TNFRSF21: variants seen among roughly 807,000 people sequenced by gnomAD.
The protein encoded by TNFRSF21 is TNF receptor superfamily member 21, also known as tumor necrosis factor receptor superfamily member 21.
Under a neutral mutation model 45.6 loss-of-function variants are expected in TNFRSF21, and 19 were observed. The ratio of observed to expected loss-of-function variants is 0.42; its 90% CI spans 0.29 to 0.61. The LOEUF is 0.61. TNFRSF21 is among the 20% of genes least tolerant of loss of function. TNFRSF21 has a pLI of 0.23. For synonymous variants in TNFRSF21, 314 were observed against 335.5 expected, an observed-to-expected ratio of 0.94 and a Z score of 0.70; for missense variants, 737 against 851.5, an observed-to-expected ratio of 0.87 and a Z score of 1.67.
At chr6:47,295,497 T>C (rs1762779850) in intron 1 of TNFRSF21, among the ~76,000 whole-genome samples, 1 of 152,208 alleles carries the variant, frequency 6.6e-6, no homozygotes, top group Non-Finnish European at 1.5e-5. Context: ...GGAAGCCCGT[T>C]ACCGTAGAGA....
chr6:47,253,191 T>C lies in TNFRSF21; in HGVS notation c.1509+65A>G, dbSNP rs976854271. On this transcript the variant is annotated intron_variant, in intron 4 of 5. Coordinates refer to ENST00000296861, the MANE Select transcript of TNFRSF21 (RefSeq NM_014452.5). ...TTATTTTTCTTTGTTCCCATACAACTGATAAAATTTGAAGCATAGGGGCAA... is the reference window on the plus strand; with the variant it reads ...TTATTTTTCTTTGTTCCCATACAACCGATAAAATTTGAAGCATAGGGGCAA... The C allele has an allele frequency of 1.2e-5, 18 of 1,560,708 alleles. No homozygotes were observed. In the African/African-American group the frequency reaches 2.3e-4, roughly 20 times the overall value.
intron 3 of TNFRSF21, among the ~76,000 whole-genome samples, chr6:47,283,044 A>G (rs1762592202): frequency 5.3e-5 from 8 of 152,246 alleles, no homozygotes; most frequent in Admixed American, 5.2e-4. Flanking sequence ...GACCCCAAAA[A>G]GCCAAACTGC....
At chr6:47,274,104 A>G (rs1762463290) in intron 3 of TNFRSF21, among the ~76,000 whole-genome samples, 1 of 152,184 alleles carries the variant, frequency 6.6e-6, no homozygotes, top group Non-Finnish European at 1.5e-5. Flanking sequence ...CAAGCTACCA[A>G]TGATTTTCTT....
In TNFRSF21 at chr6:47,245,475, T is replaced by TGTGC. The variant is rs1561939034; in HGVS notation, c.1509+7780_1509+7781insGCAC. On this transcript the variant is annotated intron_variant, in intron 4 of 5. Transcript: ENST00000296861. ...GTGTGTGTTTGTGTGTGTGTGTGTG[T>TGTGC]GTGTTGGGCAGGGAGTGTATATTAA... is the stretch of plus-strand genomic sequence containing the variant. Among the ~76,000 whole-genome samples the TGTGC allele has an allele frequency of 3.3e-5, 5 of 151,628 alleles. No homozygotes were observed. In the South Asian group the frequency reaches 6.3e-4, roughly 19 times the overall value.
chr6:47,309,667 G>A lies in TNFRSF21; in HGVS notation c.-156C>T. ...GCACTGCTGCGGCCGGGCAGAGGAGGGAGGCGGCAAGGGAGGCTCTAGGGG... is the reference window on the plus strand; with the variant it reads ...GCACTGCTGCGGCCGGGCAGAGGAGAGAGGCGGCAAGGGAGGCTCTAGGGG... On this transcript the variant is annotated 5_prime_UTR_variant, in exon 1 of 6. Transcript: ENST00000296861. The A allele has an allele frequency of 8.6e-7, 1 of 1,169,290 alleles. No homozygotes were observed. The highest frequency in any genetic ancestry group is 1.1e-6 in the Non-Finnish European group (1 of 901,002). The allele number at this position is 1,169,290 out of a possible 1,614,324, so 72.4% of individuals were successfully genotyped here. A position where few individuals can be genotyped will look rare whatever the true frequency, so the allele number is the denominator to read the frequency against.
rs372707683 is a variant in TNFRSF21, at chr6:47,273,555, A to T, written c.1243+10383T>A. ...TGATGACAAACCCACAGCCAACATC[A>T]TACTGAATGGGCAAAAACTGGAAAC... On this transcript the variant is annotated intron_variant, in intron 3 of 5. Coordinates refer to ENST00000296861, the MANE Select transcript of TNFRSF21 (RefSeq NM_014452.5). Among the ~76,000 whole-genome samples, 19 of 152,336 alleles carry T rather than the reference A, an allele frequency of 1.2e-4. No individual in the cohort carries two copies. In the East Asian group the frequency reaches 3.1e-3, roughly 25 times the overall value.
chr6:47,261,834 T>C (rs752720384), intron 3 of TNFRSF21, among the ~76,000 whole-genome samples: 11 of 152,236 alleles, frequency 7.2e-5, no homozygotes, highest in Admixed American at 3.9e-4. Context: ...AAAAGCAACA[T>C]ACCCACATGT....
intron 3 of TNFRSF21, among the ~76,000 whole-genome samples, chr6:47,260,501 T>C (rs892430384): frequency 1.3e-5 from 2 of 152,326 alleles, no homozygotes; most frequent in Middle Eastern, 3.4e-3. Context: ...CAATCCTAAT[T>C]TGAAGCTCAT....
intron 3 of TNFRSF21, among the ~76,000 whole-genome samples, chr6:47,262,473 A>G (rs1387264446): frequency 6.6e-6 from 1 of 152,270 alleles, no homozygotes; most frequent in Non-Finnish European, 1.5e-5. Flanking sequence ...ACAAATGCCA[A>G]GTGAAACAAA....
chr6:47,234,533 T>C (rs572248418), intron 5 of TNFRSF21, 137 bp downstream of exon 5: 1 of 733,840 alleles, frequency 1.4e-6, no homozygotes, highest in Admixed American at 2.8e-5. Flanking sequence ...CTTGAAGTTT[T>C]GGACTGGTCT....
chr6:47,286,495 G>C lies in TNFRSF21; in HGVS notation c.197C>G (p.Thr66Ser). The C allele has an allele frequency of 6.2e-7, 1 of 1,614,222 alleles. No individual in the cohort carries two copies. Among genetic ancestry groups the C allele is most frequent in the Non-Finnish European group, 8.5e-7 (1 of 1,180,042 alleles). ...GGTTCCTGCTGGACACTTGTCACAG[G>C]TTAGCACCTGGCCGGTGGCACGGTC... ...HVDRATGQVL[T>S]CDKCPAGTYV... The change falls in exon 2 of 6, where the codon ACC becomes AGC. Residue 66 changes from threonine to serine, a missense_variant. Coordinates refer to ENST00000296861, the MANE Select transcript of TNFRSF21 (RefSeq NM_014452.5).
intron 3 of TNFRSF21, among the ~76,000 whole-genome samples, chr6:47,261,692 C>T (rs191841076): frequency 6.6e-5 from 10 of 152,356 alleles, no homozygotes; most frequent in Admixed American, 3.9e-4. Flanking sequence ...TGATCCACTA[C>T]GTCCACTTTA....
rs774305126 is a variant in TNFRSF21, at chr6:47,286,443, T to C, written c.249A>G (p.Thr83=). The C allele has an allele frequency of 3.1e-6, 5 of 1,614,224 alleles. No homozygotes were observed. The South Asian group carries it at 5.5e-5, about 18-fold the overall frequency. The change falls in exon 2 of 6, where the codon ACA becomes ACG. Residue 83 remains threonine, a synonymous_variant. Coordinates refer to ENST00000296861, the MANE Select transcript of TNFRSF21 (RefSeq NM_014452.5). ...GTYVSEHCTN[T]SLRVCSSCPV... ...GGCAACTGCTGCAGACGCGCAGGCT[T>C]GTGTTGGTACAATGCTCAGAGACAT...
chr6:47,256,489 C>T (rs1764990378), intron 3 of TNFRSF21, among the ~76,000 whole-genome samples: 1 of 152,198 alleles, frequency 6.6e-6, no homozygotes, highest in Non-Finnish European at 1.5e-5. Context: ...CACAACTGCA[C>T]TCCAGCCTGG....
Position 47,232,998 on chromosome 6 carries a change from CAGAGA to C in TNFRSF21, c.1739-9_1739-5del. ...CGCAACACTGTGTCCTTCTTTTCTG[CAGAGA>C]AGAGAGGGAAGCAAAGACAGCTGTA... On this transcript the variant is annotated splice_polypyrimidine_tract_variant and splice_region_variant and intron_variant, in intron 5 of 5. Transcript: ENST00000296861. The C allele has an allele frequency of 6.2e-7, 1 of 1,613,824 alleles. No individual in the cohort carries two copies. The highest frequency in any genetic ancestry group is 8.5e-7 in the Non-Finnish European group (1 of 1,179,778).
chr6:47,236,647 A>G (rs1395588434), intron 4 of TNFRSF21, among the ~76,000 whole-genome samples: 4 of 152,222 alleles, frequency 2.6e-5, no homozygotes, highest in African/African-American at 9.6e-5. Context: ...CTTGGGAAAC[A>G]TGCACACCTA....
At chr6:47,234,567 C>T (rs1764634559) in intron 5 of TNFRSF21, 103 bp downstream of exon 5, 5 of 938,772 alleles carry the variant, frequency 5.3e-6, no homozygotes, top group Non-Finnish European at 8.1e-6. Flanking sequence ...ATTCAGATGA[C>T]TCAACTCTCA....
At chr6:47,233,085 C>T (rs891576005) in intron 5 of TNFRSF21, 91 bp from the exon 6 acceptor site, 2 of 1,099,218 alleles carry the variant, frequency 1.8e-6, no homozygotes, top group Admixed American at 2.0e-5. Context: ...GAGAGAGAGA[C>T]ATCTATGTCC....
At chr6:47,281,129 G>A (rs1372671863) in intron 3 of TNFRSF21, among the ~76,000 whole-genome samples, 1 of 152,084 alleles carries the variant, frequency 6.6e-6, no homozygotes, top group Non-Finnish European at 1.5e-5. Context: ...CAAATGAAAG[G>A]CAAAGGATTG....
Sources: allele counts gnomAD v4.1 joint callset (sites outside exome capture counted in the v4.1 genomes callset), GRCh38; gene constraint gnomAD v4.1.1; transcripts MANE v1.5; gene names NCBI Gene and HGNC (gene_info 2026-07-23, HGNC 2026-07-21).